The following LNPK variants were observed in gnomAD, a reference collection of about 807,000 sequenced individuals.
The protein encoded by LNPK is lunapark, ER junction formation factor.
In LNPK, 29 loss-of-function variants were observed where a neutral mutation model predicts 55.2. That is an observed-to-expected ratio of 0.53 (90% CI 0.39 to 0.72). The LOEUF is 0.72. LNPK is among the 30% of genes least tolerant of loss of function. The pLI is 0.00. For synonymous variants in LNPK, 162 were observed against 168.2 expected, an observed-to-expected ratio of 0.96 and a Z score of 0.29; for missense variants, 467 against 494.8, an observed-to-expected ratio of 0.94 and a Z score of 0.53.
intron 9 of LNPK, 21 bp from the exon 10 acceptor site, chr2:175,939,678 T>C (rs889457017): frequency 8.4e-7 from 1 of 1,193,252 alleles, no homozygotes; most frequent in African/African-American, 1.6e-5. Context: ...AATAAATACA[T>C]ACAAAATTTA....
chr2:175,952,675 T>A (rs552635968), intron 8 of LNPK, among the ~76,000 whole-genome samples: 6 of 151,922 alleles, frequency 3.9e-5, no homozygotes, highest in Admixed American at 3.9e-4. Flanking sequence ...TCTTCCTTCC[T>A]ATAGAGGCAA....
intron 9 of LNPK, among the ~76,000 whole-genome samples, 167 bp downstream of exon 9, chr2:175,947,313 G>A (rs1218599778): frequency 6.6e-6 from 1 of 152,180 alleles, no homozygotes; most frequent in African/African-American, 2.4e-5. Context: ...CAAGGTGCCA[G>A]CTGTAAAGAG....
chr2:175,984,366 G>A (rs982596143), intron 4 of LNPK, among the ~76,000 whole-genome samples: 8 of 151,834 alleles, frequency 5.3e-5, no homozygotes, highest in Non-Finnish European at 1.0e-4. Flanking sequence ...TTTCAGAGAC[G>A]AGGTTTCACA....
chr2:175,993,041 C>CATA, intron 3 of LNPK, 141 bp downstream of exon 3: 1 of 541,958 alleles, frequency 1.8e-6, no homozygotes, highest in South Asian at 3.1e-5. Flanking sequence ...TTTGAGATCA[C>CATA]ATAATATTAA....
rs537849084 is a variant in LNPK, at chr2:175,937,417, C to A, written c.981G>T (p.Val327=). 1.2e-5 allele frequency: 20 copies of A among 1,613,796 alleles called. No individual in the cohort carries two copies. The African/African-American group carries it at 2.1e-4, about 17-fold the overall frequency. Residue 327 remains valine (V), a synonymous_variant, in exon 12 of 13, where the codon GTG becomes GTT. Coordinates refer to ENST00000272748, the MANE Select transcript of LNPK (RefSeq NM_030650.3). ...LPEFSFEKRQ[V]VEGSSSVGPL... ...GACCAACTGAACTTGAACCTTCCAC[C>A]ACCTGCCTCTTCTCAAAACTAAACT...
chr2:175,969,652 A>G (rs1313055023), intron 6 of LNPK, among the ~76,000 whole-genome samples: 1 of 152,238 alleles, frequency 6.6e-6, no homozygotes, highest in East Asian at 1.9e-4. Context: ...CAAACCAATC[A>G]TATCACAACT....
chr2:175,995,079 G>A (rs1687871319), intron 2 of LNPK, among the ~76,000 whole-genome samples: 1 of 151,628 alleles, frequency 6.6e-6, no homozygotes, highest in South Asian at 2.1e-4. Flanking sequence ...GCAACACTAC[G>A]CCCAGCTAAT....
chr2:175,932,901 A>G (rs908497685), intron 12 of LNPK, among the ~76,000 whole-genome samples: 1 of 152,194 alleles, frequency 6.6e-6, no homozygotes, highest in African/African-American at 2.4e-5. Context: ...ATAAAATACT[A>G]TAAGAGAAAC....
intron 9 of LNPK, among the ~76,000 whole-genome samples, chr2:175,945,510 G>GAAAAAAAA (rs758611547): frequency 9.5e-6 from 1 of 105,086 alleles, no homozygotes; most frequent in Admixed American, 1.1e-4. Flanking sequence ...TGTCTCAAAA[G>GAAAAAAAA]AAAAAAAAAA....
intron 6 of LNPK, among the ~76,000 whole-genome samples, chr2:175,967,208 T>C (rs946189202): frequency 1.3e-5 from 2 of 152,196 alleles, no homozygotes; most frequent in Admixed American, 6.5e-5. Flanking sequence ...TGTTAAAGAA[T>C]GAATCATTTT....
chr2:175,962,683 C>T (rs148034880), intron 8 of LNPK, among the ~76,000 whole-genome samples: 22,556 of 152,116 alleles, frequency 0.15, 2,014 homozygotes, highest in South Asian at 0.39. Context: ...GCAATGGCAA[C>T]AAAAGCCACA....
intron 9 of LNPK, among the ~76,000 whole-genome samples, chr2:175,946,886 A>G (rs1172233307): frequency 6.6e-6 from 1 of 152,172 alleles, no homozygotes; most frequent in African/African-American, 2.4e-5. Flanking sequence ...ATTACACTTC[A>G]GAATGGGATC....
chr2:175,943,180 TCA>T (rs1684941447), intron 9 of LNPK, among the ~76,000 whole-genome samples: 3 of 150,202 alleles, frequency 2.0e-5, no homozygotes, highest in South Asian at 4.2e-4. Context: ...GTGATATTGG[TCA>T]CAGTTTTTCT....
At chr2:175,965,636 A>G (rs1686286723) in intron 6 of LNPK, among the ~76,000 whole-genome samples, 1 of 152,230 alleles carries the variant, frequency 6.6e-6, no homozygotes, top group Admixed American at 6.5e-5. Context: ...TAAACACTCA[A>G]TTCGACATTT....
chr2:175,987,351 T>C (rs945926618), intron 4 of LNPK, among the ~76,000 whole-genome samples: 3 of 152,128 alleles, frequency 2.0e-5, no homozygotes, highest in Non-Finnish European at 4.4e-5. Flanking sequence ...CCATAAAAAA[T>C]GATGAGTTCA....
chr2:175,932,117 C>T (rs924388573), intron 12 of LNPK: 2 of 451,050 alleles, frequency 4.4e-6, no homozygotes, highest in African/African-American at 4.0e-5. Flanking sequence ...AAAACAGGCC[C>T]ACATAGTTTG....
intron 2 of LNPK, chr2:175,994,411 G>T: frequency 1.6e-6 from 1 of 639,962 alleles, no homozygotes; most frequent in Non-Finnish European, 1.9e-6. Flanking sequence ...CCTAAATTGT[G>T]TACCAAGTAT....
intron 6 of LNPK, among the ~76,000 whole-genome samples, chr2:175,966,507 T>C (rs1488444947): frequency 6.6e-6 from 1 of 152,240 alleles, no homozygotes; most frequent in East Asian, 1.9e-4. Context: ...ACCAAAATGC[T>C]ACTTTATCGA....
intron 1 of LNPK, among the ~76,000 whole-genome samples, chr2:176,001,784 T>C (rs1450551180): frequency 2.6e-5 from 4 of 152,088 alleles, no homozygotes; most frequent in Non-Finnish European, 5.9e-5. Flanking sequence ...TCTGACCTCT[T>C]TGCCCCACCT....
Sources: allele counts gnomAD v4.1 joint callset (sites outside exome capture counted in the v4.1 genomes callset), GRCh38; gene constraint gnomAD v4.1.1; transcripts MANE v1.5; gene names NCBI Gene and HGNC (gene_info 2026-07-23, HGNC 2026-07-21).